The following NDRG4 variants were observed in gnomAD, a reference collection of about 807,000 sequenced individuals.
NDRG4 encodes NDRG family member 4.
A neutral mutation model predicts 55.8 loss-of-function variants in NDRG4; 38 were observed. That is an observed-to-expected ratio of 0.68 (90% CI 0.53 to 0.89). The LOEUF is 0.89. Ranked by LOEUF, NDRG4 falls within the 40% of genes least tolerant of loss-of-function variation. The pLI is 0.00. For missense variants in NDRG4, 455 were observed against 468.6 expected, an observed-to-expected ratio of 0.97 and a Z score of 0.27; for synonymous variants, 190 against 182.7, an observed-to-expected ratio of 1.04 and a Z score of -0.32.
chr16:58,482,928 C>T (rs2034638713), intron 1 of NDRG4, among the ~76,000 whole-genome samples: 1 of 152,060 alleles, frequency 6.6e-6, no homozygotes, highest in Admixed American at 6.6e-5. Context: ...ATTACAGGCA[C>T]CCGCCATCAC....
chr16:58,475,348 C>G (rs945081150), intron 1 of NDRG4, among the ~76,000 whole-genome samples: 1 of 152,184 alleles, frequency 6.6e-6, no homozygotes, highest in Non-Finnish European at 1.5e-5. Context: ...GAGGGGCTGG[C>G]TCACTGGTTT....
At chr16:58,510,957 A>G (rs2038724765) in intron 14 of NDRG4, 3 of 557,386 alleles carry the variant, frequency 5.4e-6, no homozygotes, top group African/African-American at 1.9e-5. Context: ...TTAGAGGTAG[A>G]GCCCAGGCCT....
Position 58,464,802 on chromosome 16 carries a change from G to A in NDRG4, c.-24+1005G>A, listed in dbSNP as rs1366047716. ...CAGTGTCGCTTGTCCCCTAAGAAAG[G>A]ACCCGTGGGCTTCTGGCAGGACCCG... On this transcript the variant is annotated intron_variant, in intron 1 of 15. Coordinates refer to the NDRG4 transcript ENST00000258187. This position sits in a 1 kb window ranked among gnomAD's most constrained non-coding sequence, Gnocchi z 4.8. The A allele has an allele frequency of 7.9e-7, 1 of 1,269,408 alleles. No homozygotes were observed. Among genetic ancestry groups the A allele is most frequent in the South Asian group, 2.1e-5 (1 of 48,646 alleles). 78.6% of individuals were successfully genotyped at this position (1,269,408 alleles called of 1,614,324 possible).
intron 2 of NDRG4, among the ~76,000 whole-genome samples, chr16:58,490,982 CAAAAT>C (rs1320582488): frequency 2.1e-5 from 3 of 145,812 alleles, no homozygotes; most frequent in African/African-American, 7.7e-5. Context: ...GTCTCAAAAA[CAAAAT>C]AAAAGCCGGC....
chr16:58,503,964 C>T, intron 2 of NDRG4, 61 bp downstream of exon 2: 3 of 1,573,672 alleles, frequency 1.9e-6, no homozygotes, highest in Non-Finnish European at 2.6e-6. Flanking sequence ...AGCGGTGAGG[C>T]CCCCCACCCT....
chr16:58,509,227 G>A, intron 12 of NDRG4, 38 bp downstream of exon 12: 1 of 1,613,858 alleles, frequency 6.2e-7, no homozygotes, highest in Non-Finnish European at 8.5e-7. Flanking sequence ...CATCTATGGG[G>A]AGGGGGAAGC....
intron 1 of NDRG4, among the ~76,000 whole-genome samples, chr16:58,478,696 T>TG (rs1197944693): frequency 4.1e-3 from 77 of 18,918 alleles, no homozygotes; most frequent in Admixed American, 0.012. Flanking sequence ...TTTTGTTTTT[T>TG]GTTTTTTTTT....
downstream of NDRG4, among the ~76,000 whole-genome samples, chr16:58,515,131 A>C (rs1394358682): frequency 1.3e-5 from 2 of 152,212 alleles, no homozygotes; most frequent in Non-Finnish European, 2.9e-5. Flanking sequence ...CATCGGCAAC[A>C]AGGGGTCGAG....
At chr16:58,494,856 A>AAG in intron 2 of NDRG4, 1 of 888,908 alleles carries the variant, frequency 1.1e-6, no homozygotes, top group Non-Finnish European at 1.7e-6. Flanking sequence ...AAGAAAAGAA[A>AAG]AGAGAAAAGA....
rs40186 is a variant in NDRG4 at position 58,511,164 on chromosome 16, G to A, written c.905-258G>A. ...ACTGGCATCCTCTTGAGGGAGGCAC[G>A]GCTGGAAACCCAGCACCTCCCTGCA... On this transcript the variant is annotated intron_variant, in intron 14 of 14. Transcript: ENST00000570248. 0.15 allele frequency: 75,644 copies of A among 515,904 alleles called. 6,411 individuals carry two copies. The highest frequency in any genetic ancestry group is 0.24 in the Admixed American group (7,041 of 28,834). 32.0% of individuals were successfully genotyped at this position (515,904 alleles called of 1,614,324 possible).
At chr16:58,474,764 C>T (rs889436057) in intron 1 of NDRG4, among the ~76,000 whole-genome samples, 1 of 152,210 alleles carries the variant, frequency 6.6e-6, no homozygotes, top group Non-Finnish European at 1.5e-5. Context: ...GCCTGGGCCA[C>T]TCCTGGGGTA....
chr16:58,504,349 C>G lies in NDRG4; in HGVS notation c.249-10C>G. ...CACACCTGGGCCCTGACCTCCTGCT[C>G]TGCCTGCAGGTACCAGTTCCCCTCC... On this transcript the variant is annotated splice_polypyrimidine_tract_variant and intron_variant, in intron 3 of 14. Transcript: ENST00000570248. 6.2e-7 allele frequency: 1 copy of G among 1,613,808 alleles called. No homozygotes were observed.
chr16:58,470,139 C>T (rs1345079914), intron 1 of NDRG4, among the ~76,000 whole-genome samples: 1 of 152,198 alleles, frequency 6.6e-6, no homozygotes, highest in Non-Finnish European at 1.5e-5. Context: ...CTGTTTTTCT[C>T]ACTTTTCTCA....
chr16:58,501,861 C>T, intron 1 of NDRG4: 1 of 411,384 alleles, frequency 2.4e-6, no homozygotes, highest in Admixed American at 2.5e-5. Flanking sequence ...TCAGGCGGAC[C>T]CGCACGCTGC....
rs2031109268 is a variant in NDRG4 at position 58,464,175 on chromosome 16, T to A, written c.-24+378T>A. ...GCGCCCTTCCTCCGCCTCCTGGAGT[T>A]CACCGGGACCAGGTGGCGGCGGGTG... On this transcript the variant is annotated intron_variant, in intron 1 of 15. Coordinates refer to the NDRG4 transcript ENST00000258187. The surrounding 1 kb of genome is among the most constrained non-coding windows in gnomAD (Gnocchi z 4.8). 1 of 376,390 alleles carries A rather than the reference T, an allele frequency of 2.7e-6. No individual in the cohort carries two copies. Among genetic ancestry groups the A allele is most frequent in the Non-Finnish European group, 4.7e-6 (1 of 212,240 alleles). 23.3% of individuals were successfully genotyped at this position (376,390 alleles called of 1,614,324 possible). A position where few individuals can be genotyped will look rare whatever the true frequency, so the allele number is the denominator to read the frequency against.
intron 1 of NDRG4, among the ~76,000 whole-genome samples, chr16:58,484,745 G>A (rs2034872669): frequency 6.6e-6 from 1 of 152,120 alleles, no homozygotes; most frequent in Admixed American, 6.5e-5. Flanking sequence ...AAGAGCCATT[G>A]CTGGCCACTT....
intron 1 of NDRG4, among the ~76,000 whole-genome samples, chr16:58,477,937 G>C (rs757185924): frequency 6.6e-6 from 1 of 152,206 alleles, no homozygotes; most frequent in African/African-American, 2.4e-5. Flanking sequence ...TCTGTAATAA[G>C]ACAGATTGAC....
intron 8 of NDRG4, 69 bp downstream of exon 8, chr16:58,507,084 A>C (rs1164060202): frequency 1.6e-6 from 2 of 1,220,106 alleles, no homozygotes; most frequent in Non-Finnish European, 1.2e-6. Flanking sequence ...CTGCCCCCTG[A>C]GGGAGGCAGG....
intron 5 of NDRG4, among the ~76,000 whole-genome samples, chr16:58,505,691 T>C (rs1483873811): frequency 6.6e-6 from 1 of 150,886 alleles, no homozygotes; most frequent in Non-Finnish European, 1.5e-5. Context: ...TTTCTTAATT[T>C]ATATCATGAG....
Sources: gnomAD v4.1 joint callset for allele counts (sites outside exome capture counted in the v4.1 genomes callset) on GRCh38, gnomAD v4.1.1 for gene constraint, Gnocchi (gnomAD v3.1) non-coding constraint, MANE v1.5 for transcripts, NCBI Gene and HGNC (gene_info 2026-07-23, HGNC 2026-07-21) for gene names.